The following TTLL5 variants were observed in gnomAD, a reference collection of about 807,000 sequenced individuals.
TTLL5 encodes the protein tubulin tyrosine ligase like 5.
In TTLL5, 132 loss-of-function variants were observed where a neutral mutation model predicts 168.4. That is an observed-to-expected ratio of 0.78 (90% CI 0.68 to 0.91). The LOEUF (loss-of-function observed/expected upper bound fraction) is 0.91, where lower values mean the gene tolerates loss of function less well. TTLL5 is among the 40% of genes least tolerant of loss of function. TTLL5 has a pLI of 0.00. For synonymous variants in TTLL5, 546 were observed against 558.6 expected, an observed-to-expected ratio of 0.98 and a Z score of 0.32; for missense variants, 1,545 against 1,581.5, an observed-to-expected ratio of 0.98 and a Z score of 0.39.
At chr14:75,941,843 CTTTTTTT>C (rs71122506) in intron 31 of TTLL5, among the ~76,000 whole-genome samples, 3 of 69,404 alleles carry the variant, frequency 4.3e-5, no homozygotes, top group East Asian at 3.9e-4. Context: ...TCATGATGAA[CTTTTTTT>C]TTTTTTTTTT....
chr14:75,847,686 T>C (rs557313539), intron 28 of TTLL5: 1 of 152,106 alleles, frequency 6.6e-6, no homozygotes, highest in South Asian at 2.1e-4. Context: ...ATAACACAGT[T>C]GATGAAAGGC....
intron 31 of TTLL5, among the ~76,000 whole-genome samples, chr14:75,922,075 C>T (rs377113399): frequency 1.1e-4 from 16 of 152,048 alleles, no homozygotes; most frequent in Non-Finnish European, 2.1e-4. Context: ...GATTTTTGCA[C>T]GTTGATTTTG....
At chr14:75,945,882 G>A (rs1595315219) in intron 31 of TTLL5, among the ~76,000 whole-genome samples, 1 of 152,186 alleles carries the variant, frequency 6.6e-6, no homozygotes, top group South Asian at 2.1e-4. Flanking sequence ...AGCAATTCCA[G>A]TCTGATTGAC....
chr14:75,672,269 C>T (rs188694732), intron 3 of TTLL5, among the ~76,000 whole-genome samples: 57 of 152,068 alleles, frequency 3.7e-4, no homozygotes, highest in Admixed American at 2.7e-3. Flanking sequence ...TTTTTTGCGA[C>T]GGAGTCTCGC....
At chr14:75,666,419 C>G (rs1245191988) in intron 2 of TTLL5, among the ~76,000 whole-genome samples, 1 of 152,228 alleles carries the variant, frequency 6.6e-6, no homozygotes, top group Non-Finnish European at 1.5e-5. Flanking sequence ...ATCCCAAATA[C>G]AACTCTGTAT....
intron 30 of TTLL5, among the ~76,000 whole-genome samples, chr14:75,891,405 T>C (rs1044751576): frequency 3.1e-4 from 47 of 152,230 alleles, no homozygotes; most frequent in African/African-American, 1.1e-3. Flanking sequence ...CAAAGACAGA[T>C]ACCCTGTCTT....
At position 75,775,800 on chromosome 14, in the gene TTLL5, C is replaced by A. The variant is rs28645475; in HGVS notation, c.2283+170C>A. 6.6e-3 allele frequency among the ~76,000 whole-genome samples: 1,007 copies of A among 152,270 alleles called. 13 individuals carry two copies. The highest frequency in any genetic ancestry group is 0.023 in the African/African-American group (973 of 41,530). On this transcript the variant is annotated intron_variant, in intron 22 of 31. Coordinates refer to ENST00000298832, the MANE Select transcript of TTLL5 (RefSeq NM_015072.5). ...AGCAGGACCCCACACCTTAACTCAG[C>A]TGGTCTGAAAAACTATTTATTACTT...
intron 4 of TTLL5, among the ~76,000 whole-genome samples, chr14:75,682,321 T>C (rs1884684743): frequency 1.3e-5 from 2 of 151,570 alleles, no homozygotes; most frequent in South Asian, 4.2e-4. Flanking sequence ...CCCAAGGATA[T>C]AGGAACAGGA....
intron 31 of TTLL5, among the ~76,000 whole-genome samples, chr14:75,919,051 A>C (rs2033721869): frequency 6.6e-6 from 1 of 151,724 alleles, no homozygotes; most frequent in East Asian, 1.9e-4. Context: ...AAATACAAAA[A>C]TTAGCTGGGC....
intron 29 of TTLL5, among the ~76,000 whole-genome samples, chr14:75,876,287 A>G (rs2031474456): frequency 6.6e-6 from 1 of 152,240 alleles, no homozygotes; most frequent in Admixed American, 6.5e-5. Flanking sequence ...GTGAATATCT[A>G]GTTGTAATTA....
intron 15 of TTLL5, among the ~76,000 whole-genome samples, chr14:75,743,453 A>C (rs1280810631): frequency 1.7e-4 from 26 of 151,558 alleles, no homozygotes; most frequent in Non-Finnish European, 2.9e-5. Context: ...CTTCATTCTA[A>C]GTCTTTTTTC....
At position 75,677,362 on chromosome 14, in the gene TTLL5, T is replaced by A. The variant is rs1329253552; in HGVS notation, c.182-4183T>A. Among the ~76,000 whole-genome samples the A allele has an allele frequency of 2.6e-5, 4 of 151,500 alleles. No homozygotes were observed. In the South Asian group the frequency reaches 8.3e-4, roughly 32 times the overall value. On this transcript the variant is annotated intron_variant, in intron 3 of 31. Transcript: ENST00000298832. ...ATCAGGGTTTGAACCCTAGTTTGAT[T>A]CTAGAGATTCTCTTTCTCTCTCTCT...
At chr14:75,839,920 T>C (rs1337621713) in intron 28 of TTLL5, among the ~76,000 whole-genome samples, 2 of 152,252 alleles carry the variant, frequency 1.3e-5, no homozygotes, top group African/African-American at 4.8e-5. Flanking sequence ...GTTGTTTTTG[T>C]TATTGTTGAG....
intron 29 of TTLL5, among the ~76,000 whole-genome samples, chr14:75,867,394 A>T (rs1284022740): frequency 1.3e-5 from 2 of 152,170 alleles, no homozygotes; most frequent in African/African-American, 4.8e-5. Context: ...TTTTAATAAT[A>T]ATAGCCACCA....
intron 12 of TTLL5, among the ~76,000 whole-genome samples, chr14:75,731,844 G>T (rs999246671): frequency 2.0e-5 from 3 of 152,072 alleles, no homozygotes; most frequent in Non-Finnish European, 4.4e-5. Flanking sequence ...GCAATATCTT[G>T]GTTTAAGAAA....
chr14:75,702,965 C>A (rs10483872), intron 7 of TTLL5, among the ~76,000 whole-genome samples: 2 of 152,246 alleles, frequency 1.3e-5, no homozygotes, highest in East Asian at 3.9e-4. Flanking sequence ...TTTACCCAGA[C>A]CTGCAAACCA....
At position 75,898,291 on chromosome 14, in the gene TTLL5, C is replaced by T. The variant is rs560370132; in HGVS notation, c.3741-3851C>T. The stretch of plus-strand genomic sequence containing the variant: ...ACTCCAGTCAGTCAGTTTCAGTTCC[C>T]GTGGGACTTTCTTATAGCAAGGGCA... On this transcript the variant is annotated intron_variant, in intron 30 of 31. Transcript: ENST00000298832. Among the ~76,000 whole-genome samples the T allele has an allele frequency of 1.4e-3, 214 of 152,208 alleles. 1 individual carries two copies. The highest frequency in any genetic ancestry group is 6.8e-3 in the Middle Eastern group (2 of 294).
rs373704414 is a variant in TTLL5, at chr14:75,751,981, C to G, written c.1488-912C>G. 3.3e-5 allele frequency among the ~76,000 whole-genome samples: 5 copies of G among 152,252 alleles called. No individual in the cohort carries two copies. In the East Asian group the frequency reaches 9.6e-4, roughly 29 times the overall value. Reference sequence around the variant, plus strand: ...AATAAGGTGGATTATCCATGCCTCTCCTTTTTAGACCATGTAGGGTAACTT... The same window carrying G: ...AATAAGGTGGATTATCCATGCCTCTGCTTTTTAGACCATGTAGGGTAACTT... On this transcript the variant is annotated intron_variant, in intron 17 of 31. Coordinates refer to ENST00000298832, the MANE Select transcript of TTLL5 (RefSeq NM_015072.5).
rs148613050 is a variant in TTLL5 at position 75,896,391 on chromosome 14, G to C, written c.3741-5751G>C. Reference sequence around the variant, plus strand: ...TATTTTATAAAAACGATCAGGTTTGGGGGTGTTTGTTTTCAGCACCTTCAC... The same window carrying C: ...TATTTTATAAAAACGATCAGGTTTGCGGGTGTTTGTTTTCAGCACCTTCAC... On this transcript the variant is annotated intron_variant, in intron 30 of 31. Coordinates refer to ENST00000298832, the MANE Select transcript of TTLL5 (RefSeq NM_015072.5). Among the ~76,000 whole-genome samples the C allele has an allele frequency of 4.4e-3, 664 of 152,212 alleles. 5 individuals carry two copies. The highest frequency in any genetic ancestry group is 0.01 in the Middle Eastern group (3 of 294).
Sources: allele counts gnomAD v4.1 joint callset (sites outside exome capture counted in the v4.1 genomes callset), GRCh38; gene constraint gnomAD v4.1.1; transcripts MANE v1.5; gene names NCBI Gene and HGNC (gene_info 2026-07-23, HGNC 2026-07-21).